CRTC1: variants seen among roughly 807,000 people sequenced by gnomAD.
CRTC1 encodes CREB regulated transcription coactivator 1.
In CRTC1, 18 loss-of-function variants were observed where a neutral mutation model predicts 66.1. The observed-to-expected ratio is 0.27, with a 90% CI of 0.19 to 0.40. The LOEUF (loss-of-function observed/expected upper bound fraction) is 0.40, where lower values mean the gene tolerates loss of function less well. Among genes scored for constraint, CRTC1 ranks in the 10% least tolerant of loss-of-function variants. CRTC1 has a pLI of 1.00. For synonymous variants in CRTC1, 416 were observed against 398.8 expected, an observed-to-expected ratio of 1.04 and a Z score of -0.51; for missense variants, 669 against 887.9, an observed-to-expected ratio of 0.75 and a Z score of 3.13.
At chr19:18,735,210 G>A (rs1350301851) in intron 1 of CRTC1, among the ~76,000 whole-genome samples, 1 of 152,200 alleles carries the variant, frequency 6.6e-6, no homozygotes, top group East Asian at 1.9e-4. Context: ...GAGCTTTGGG[G>A]GTACCTGTCA....
In CRTC1 at chr19:18,779,452, G is replaced by A. The variant is rs1601038326; in HGVS notation, c.*2070G>A. 3 of 223,284 alleles carry A rather than the reference G, an allele frequency of 1.3e-5. No individual in the cohort carries two copies. The highest frequency in any genetic ancestry group is 1.4e-3 in the Middle Eastern group (1 of 720). 13.8% of individuals were successfully genotyped at this position (223,284 alleles called of 1,614,324 possible). On this transcript the variant is annotated 3_prime_UTR_variant, in exon 14 of 14. Transcript: ENST00000321949. ...ATGACAGAGGCTGGGGGCAGACAGC[G>A]GGGACTTTTTTTTTTTTTTAAGAAA...
chr19:18,689,654 G>C (rs1203977639), intron 1 of CRTC1, among the ~76,000 whole-genome samples: 2 of 138,154 alleles, frequency 1.4e-5, no homozygotes, highest in Non-Finnish European at 3.0e-5. Flanking sequence ...TTTATTCCCA[G>C]TGTGGTGCAC....
chr19:18,699,947 G>C (rs2053090991), intron 1 of CRTC1, among the ~76,000 whole-genome samples: 1 of 152,130 alleles, frequency 6.6e-6, no homozygotes, highest in African/African-American at 2.4e-5. Flanking sequence ...GCTCTGTGAT[G>C]ACCTGGGGCT....
rs540438129 is a variant in CRTC1, at chr19:18,728,238, T to C, written c.127-14672T>C. Among the ~76,000 whole-genome samples the C allele has an allele frequency of 3.9e-4, 59 of 152,290 alleles. 1 individual carries two copies. The South Asian group carries it at 0.012, about 30-fold the overall frequency. ...TGAGGTTGCACAGAGGTTGGGAGAA[T>C]GTCCCGTCCCGGCCCATCTCTGCCT... On this transcript the variant is annotated intron_variant, in intron 1 of 13. Coordinates refer to ENST00000321949, the MANE Select transcript of CRTC1 (RefSeq NM_015321.3).
chr19:18,764,930 A>G (rs2054695746), intron 8 of CRTC1, among the ~76,000 whole-genome samples: 1 of 151,236 alleles, frequency 6.6e-6, no homozygotes, highest in Non-Finnish European at 1.5e-5. Context: ...ATTTTCAGCC[A>G]AAAAAAACCA....
rs1251671968 is a variant in CRTC1 at position 18,721,225 on chromosome 19, G to T, written c.127-21685G>T. ...TTTTTTTTTTTTGAGACGGAGTCTC[G>T]CTCTGTCGTCCAGGCTGGAGGGCAG... On this transcript the variant is annotated intron_variant, in intron 1 of 13. Coordinates refer to ENST00000321949, the MANE Select transcript of CRTC1 (RefSeq NM_015321.3). 4.2e-5 allele frequency among the ~76,000 whole-genome samples: 6 copies of T among 142,382 alleles called. No homozygotes were observed. In the East Asian group the frequency reaches 1.2e-3, roughly 30 times the overall value. The allele number at this position is 142,382 out of a possible 152,430, so 93.4% of individuals were successfully genotyped here. A position where few individuals can be genotyped will look rare whatever the true frequency, so the allele number is the denominator to read the frequency against.
At chr19:18,733,956 A>G (rs1038106717) in intron 1 of CRTC1, among the ~76,000 whole-genome samples, 41 of 152,074 alleles carry the variant, frequency 2.7e-4, no homozygotes, top group Admixed American at 1.3e-4. Flanking sequence ...TAAAAATACA[A>G]AAATTCGCCG....
intron 7 of CRTC1, 130 bp downstream of exon 7, chr19:18,759,721 G>A (rs2054570639): frequency 1.9e-6 from 2 of 1,055,886 alleles, no homozygotes. Flanking sequence ...AGAGGCCAGT[G>A]ACAGAGCCCC....
chr19:18,732,278 G>A (rs1429203150), intron 1 of CRTC1, among the ~76,000 whole-genome samples: 1 of 152,194 alleles, frequency 6.6e-6, no homozygotes, highest in Admixed American at 6.5e-5. Flanking sequence ...ATAAAGGGGG[G>A]GTCCCGATCT....
intron 1 of CRTC1, among the ~76,000 whole-genome samples, chr19:18,728,815 C>CTTTTTTTTTTTTTTTTTTTTTTTTTTTTT (rs35465891): frequency 1.5e-4 from 12 of 79,380 alleles, no homozygotes; most frequent in East Asian, 7.3e-4. Context: ...CTCACCTGGC[C>CTTTTTTTTTTTTTTTTTTTTTTTTTTTTT]TTTTTTTTTT....
chr19:18,712,957 C>CAA (rs146452936), intron 1 of CRTC1, among the ~76,000 whole-genome samples: 3 of 124,632 alleles, frequency 2.4e-5, no homozygotes, highest in East Asian at 2.6e-4. Context: ...AAGACTGTCT[C>CAA]AAAAAAAAAA....
intron 1 of CRTC1, among the ~76,000 whole-genome samples, chr19:18,700,125 TGA>T (rs2053097930): frequency 6.6e-6 from 1 of 152,216 alleles, no homozygotes; most frequent in South Asian, 2.1e-4. Context: ...CTATAGCGGC[TGA>T]GAGGCTTTGG....
intron 10 of CRTC1, among the ~76,000 whole-genome samples, chr19:18,770,882 TTGTGTGCA>T (rs895360286): frequency 4.9e-5 from 7 of 143,740 alleles, no homozygotes; most frequent in South Asian, 2.2e-4. Flanking sequence ...GTGTGTACAT[TTGTGTGCA>T]TGTGTGCATT....
chr19:18,748,211 A>G (rs886455859), intron 4 of CRTC1, among the ~76,000 whole-genome samples: 28 of 152,048 alleles, frequency 1.8e-4, no homozygotes, highest in Admixed American at 1.8e-3. Flanking sequence ...ACATATATAC[A>G]CACATATTTA....
At chr19:18,765,256 T>TTTG in intron 8 of CRTC1, 148 bp from the exon 9 acceptor site, 1 of 1,178,702 alleles carries the variant, frequency 8.5e-7, no homozygotes, top group Non-Finnish European at 1.1e-6. Flanking sequence ...CTTCGGGGGG[T>TTTG]GCCCAGGTTT....
At chr19:18,736,190 G>A (rs1033229316) in intron 1 of CRTC1, among the ~76,000 whole-genome samples, 17 of 152,144 alleles carry the variant, frequency 1.1e-4, no homozygotes, top group East Asian at 5.8e-4. Context: ...CTGCTGGGAC[G>A]CTTGGAGATC....
intron 2 of CRTC1, among the ~76,000 whole-genome samples, chr19:18,744,709 C>T (rs1028727756): frequency 6.6e-6 from 1 of 152,178 alleles, no homozygotes; most frequent in Admixed American, 6.5e-5. Context: ...CAGCACAGTT[C>T]CCACCCTCAT....
intron 8 of CRTC1, among the ~76,000 whole-genome samples, chr19:18,762,689 T>C (rs1455997820): frequency 6.6e-6 from 1 of 152,154 alleles, no homozygotes; most frequent in Non-Finnish European, 1.5e-5. Flanking sequence ...CCCTGCCCGC[T>C]CCAGACTTCC....
At chr19:18,765,585 G>GC in intron 9 of CRTC1, 57 bp downstream of exon 9, 3 of 1,523,478 alleles carry the variant, frequency 2.0e-6, no homozygotes, top group African/African-American at 1.4e-5. Flanking sequence ...TGGAGGCCTG[G>GC]CTCTACCTCT....
Sources: gnomAD v4.1 joint callset for allele counts (sites outside exome capture counted in the v4.1 genomes callset) on GRCh38, gnomAD v4.1.1 for gene constraint, MANE v1.5 for transcripts, NCBI Gene and HGNC (gene_info 2026-07-23, HGNC 2026-07-21) for gene names.